Variants in PCDH15 observed in about 807,000 individuals in gnomAD.
PCDH15 encodes the protein protocadherin related 15.
In PCDH15, 129 loss-of-function variants were observed where a neutral mutation model predicts 178.5. That is an observed-to-expected ratio of 0.72 (90% confidence interval 0.63 to 0.84). PCDH15 has a LOEUF of 0.84. Ranked by LOEUF, PCDH15 falls within the 40% of genes least tolerant of loss-of-function variation. The pLI is 0.00. For synonymous variants in PCDH15, 800 were observed against 732.0 expected (o/e 1.09, Z -1.50); for missense variants, 2,230 against 2,099.9 (o/e 1.06, Z -1.21).
chr10:54,490,407 G>A (rs2079479209), intron 3 of PCDH15, among the ~76,000 whole-genome samples: 1 of 151,894 alleles, frequency 6.6e-6, no homozygotes, highest in African/African-American at 2.4e-5. Context: ...CTGAGATCAC[G>A]CCACTGCACT....
intron 8 of PCDH15, among the ~76,000 whole-genome samples, chr10:54,246,453 TTA>T (rs2132005768): frequency 6.6e-6 from 1 of 152,048 alleles, no homozygotes; most frequent in East Asian, 1.9e-4. Context: ...TAATCAATTA[TTA>T]TGTCTTATAT....
At chr10:54,487,087 A>G (rs2079165216) in intron 3 of PCDH15, among the ~76,000 whole-genome samples, 1 of 152,180 alleles carries the variant, frequency 6.6e-6, no homozygotes, top group African/African-American at 2.4e-5. Context: ...AAGCTAAGCC[A>G]TATAATAAAT....
At position 53,809,854 on chromosome 10, in the gene PCDH15, T is replaced by G. The variant is rs558979983; in HGVS notation, c.4671+702A>C. Among the ~76,000 whole-genome samples the G allele has an allele frequency of 9.8e-5, 15 of 152,348 alleles. No homozygotes were observed. In the East Asian group the frequency reaches 2.9e-3, roughly 29 times the overall value. ...GAAAGAATTATTGTCTCTTCCTTCC[T>G]TCCTTCTTCTGTCACTAGACTTAGG... On this transcript the variant is annotated intron_variant, in intron 37 of 37. Coordinates refer to ENST00000644397, the MANE Select transcript of PCDH15 (RefSeq NM_001384140.1).
At chr10:55,068,013 A>C (rs967437615) in intron 2 of PCDH15, among the ~76,000 whole-genome samples, 1 of 152,126 alleles carries the variant, frequency 6.6e-6, no homozygotes, top group Non-Finnish European at 1.5e-5. Context: ...AGGTAGTTTC[A>C]AAATATTTTC....
chr10:54,056,257 T>C (rs770353659), intron 18 of PCDH15, among the ~76,000 whole-genome samples: 2 of 152,170 alleles, frequency 1.3e-5, no homozygotes, highest in Non-Finnish European at 2.9e-5. Context: ...AAGTTCTCTC[T>C]TCAAGCCACT....
intron 27 of PCDH15, among the ~76,000 whole-genome samples, chr10:53,861,028 T>C (rs1234421745): frequency 6.6e-6 from 1 of 152,196 alleles, no homozygotes; most frequent in African/African-American, 2.4e-5. Context: ...GTCTGGTTTA[T>C]GTAGAACACA....
chr10:54,752,494 A>T (rs1440478589), intron 1 of PCDH15, among the ~76,000 whole-genome samples: 2 of 93,376 alleles, frequency 2.1e-5, no homozygotes, highest in East Asian at 2.1e-4. Context: ...AAAAAAAACA[A>T]AAAACAAAAA....
At chr10:53,970,733 A>C (rs1170962715) in intron 21 of PCDH15, among the ~76,000 whole-genome samples, 31 of 152,194 alleles carry the variant, frequency 2.0e-4, no homozygotes, top group Non-Finnish European at 7.4e-5. Flanking sequence ...CCCAAGAATA[A>C]ACTAGGAAGA....
In PCDH15 at chr10:54,308,891, G is replaced by A. The variant is rs374817685; in HGVS notation, c.876+8380C>T. 3.6e-4 allele frequency among the ~76,000 whole-genome samples: 55 copies of A among 151,906 alleles called. 1 individual carries two copies. The highest frequency in any genetic ancestry group is 2.3e-3 in the East Asian group (12 of 5,160). On this transcript the variant is annotated intron_variant, in intron 8 of 37. Coordinates refer to ENST00000644397, the MANE Select transcript of PCDH15 (RefSeq NM_001384140.1). ...TGAATTTTAGTTTGTGTTTGTGTGC[G>A]ATTGTTGATGGGAAGAACAAAATGG...
chr10:55,341,967 T>C (rs1253300740), intron 2 of PCDH15, among the ~76,000 whole-genome samples: 1 of 150,162 alleles, frequency 6.7e-6, no homozygotes, highest in Admixed American at 6.7e-5. Context: ...TTTTAATTGA[T>C]CAAGTTTTGG....
intron 8 of PCDH15, among the ~76,000 whole-genome samples, chr10:54,277,292 T>C (rs12242685): frequency 0.5 from 75,985 of 151,258 alleles, 19,942 homozygotes; most frequent in Middle Eastern, 0.61. Flanking sequence ...TCCTAAAATA[T>C]ATGATATAGT....
chr10:54,697,515 G>GTATATA (rs141387823), intron 1 of PCDH15, among the ~76,000 whole-genome samples: 4,373 of 143,014 alleles, frequency 0.031, 217 homozygotes, highest in African/African-American at 0.1. Flanking sequence ...TGAAATGTGT[G>GTATATA]TATATATATA....
chr10:53,864,510 A>G (rs1388949624), intron 27 of PCDH15, among the ~76,000 whole-genome samples: 1 of 152,100 alleles, frequency 6.6e-6, no homozygotes, highest in South Asian at 2.1e-4. Context: ...TAGGGCATCA[A>G]TCCACTCAGG....
chr10:54,917,969 A>C (rs1010707808), intron 2 of PCDH15, among the ~76,000 whole-genome samples: 1 of 150,522 alleles, frequency 6.6e-6, no homozygotes, highest in African/African-American at 2.4e-5. Flanking sequence ...GTAAACTGAT[A>C]TTTAAAATTT....
At chr10:55,226,667 C>A (rs1374522744) in intron 1 of PCDH15, among the ~76,000 whole-genome samples, 1 of 152,034 alleles carries the variant, frequency 6.6e-6, no homozygotes, top group African/African-American at 2.4e-5. Flanking sequence ...CAGGCGTGAG[C>A]CACTGCGCCC....
intron 21 of PCDH15, among the ~76,000 whole-genome samples, chr10:53,974,156 T>C (rs1283499147): frequency 6.6e-6 from 1 of 152,098 alleles, no homozygotes; most frequent in Non-Finnish European, 1.5e-5. Context: ...TAGCTGCGAT[T>C]ACAGGGACGC....
At chr10:53,967,001 G>T (rs2089103403) in intron 21 of PCDH15, among the ~76,000 whole-genome samples, 2 of 151,986 alleles carry the variant, frequency 1.3e-5, no homozygotes, top group Non-Finnish European at 1.5e-5. Flanking sequence ...CAATCTTTCT[G>T]CCTCAGCCTC....
rs117720524 is a variant in PCDH15 at position 55,620,713 on chromosome 10, C to T, written c.-156+6912G>A. Among the ~76,000 whole-genome samples the T allele has an allele frequency of 4.8e-3, 733 of 151,584 alleles. 4 individuals carry two copies. Among genetic ancestry groups the T allele is most frequent in the Non-Finnish European group, 7.9e-3 (533 of 67,790 alleles). ...TTAAAAATATGAAGTACTAGGTTTT[C>T]AAGTATATTGCAAAGCCATAAATAA... On this transcript the variant is annotated intron_variant, in intron 2 of 5. Coordinates refer to the PCDH15 transcript ENST00000613346.
chr10:55,068,473 C>T (rs1020810137), intron 2 of PCDH15, among the ~76,000 whole-genome samples: 1 of 152,000 alleles, frequency 6.6e-6, no homozygotes, highest in Non-Finnish European at 1.5e-5. Flanking sequence ...TATATAAATG[C>T]CATGCTCTTT....
Sources: gnomAD v4.1 joint callset for allele counts (sites outside exome capture counted in the v4.1 genomes callset) on GRCh38, gnomAD v4.1.1 for gene constraint, MANE v1.5 for transcripts, NCBI Gene and HGNC (gene_info 2026-07-23, HGNC 2026-07-21) for gene names.